The following TRIM39 variants were observed in gnomAD, a reference collection of about 807,000 sequenced individuals.
TRIM39 encodes the protein tripartite motif containing 39, also known as E3 ubiquitin-protein ligase TRIM39.
Under a neutral mutation model 53.6 loss-of-function variants are expected in TRIM39, and 5 were observed. The ratio of observed to expected loss-of-function variants is 0.09; its 90% confidence interval spans 0.05 to 0.20. TRIM39 has a LOEUF of 0.20. TRIM39 is among the 10% of genes least tolerant of loss of function. The pLI is 1.00. For missense variants in TRIM39, 310 were observed against 621.0 expected (o/e 0.50, Z 5.32); for synonymous variants, 196 against 237.6 (o/e 0.82, Z 1.61).
chr6:30,336,921 G>A (rs1167176332), intron 5 of TRIM39, among the ~76,000 whole-genome samples: 1 of 152,156 alleles, frequency 6.6e-6, no homozygotes, highest in African/African-American at 2.4e-5. Flanking sequence ...CATTTATTAA[G>A]ACTTGAAAGT....
In TRIM39 at chr6:30,335,918, C is replaced by T. The variant is rs1286298715; in HGVS notation, c.723C>T (p.Ala241=). The change falls in exon 5 of 8, where the codon GCC becomes GCT. Residue 241 remains alanine (A), a synonymous_variant. Coordinates refer to ENST00000396551, the Ensembl canonical transcript of TRIM39. This position sits in a 1 kb window ranked among gnomAD's most constrained non-coding sequence, Gnocchi z 4.7. Reference sequence around the variant, plus strand: ...TTGGGGACAAGCGCCGGGACCTGGCCCACTTGGCTGCCGAGGTGGAGGGCA... The same window carrying T: ...TTGGGGACAAGCGCCGGGACCTGGCTCACTTGGCTGCCGAGGTGGAGGGCA... 6.2e-7 allele frequency: 1 copy of T among 1,612,520 alleles called. No individual in the cohort carries two copies. Among genetic ancestry groups the T allele is most frequent in the Non-Finnish European group, 8.5e-7 (1 of 1,179,994 alleles).
At chr6:30,336,289 A>T in intron 5 of TRIM39, among the ~76,000 whole-genome samples, 1 of 152,250 alleles carries the variant, frequency 6.6e-6, no homozygotes, top group Non-Finnish European at 1.5e-5. Flanking sequence ...TTGTAAATGC[A>T]GTTACCATTA....
At chr6:30,331,287 AAC>A (rs372681847) in intron 4 of TRIM39, among the ~76,000 whole-genome samples, 1,420 of 24,226 alleles carry the variant, frequency 0.059, 20 homozygotes, top group Middle Eastern at 0.15. Context: ...AAAAAAAACA[AAC>A]AAAAAAAAAA....
At chr6:30,341,413 A>G (rs1245538585) in intron 7 of TRIM39, 1 of 663,610 alleles carries the variant, frequency 1.5e-6, no homozygotes, top group Non-Finnish European at 2.8e-6. Context: ...TTCTCTACAT[A>G]GTGAGATAAA....
chr6:30,330,937 C>T (rs1786071473), intron 4 of TRIM39, 61 bp downstream of exon 4: 1 of 1,562,476 alleles, frequency 6.4e-7, no homozygotes, highest in South Asian at 1.1e-5. Context: ...AGGGAATTAA[C>T]TGTACACTAT....
Position 30,342,028 on chromosome 6 carries a change from C to A in TRIM39, c.1236C>A (p.Thr412=). 6.2e-7 allele frequency: 1 copy of A among 1,613,062 alleles called. No individual in the cohort carries two copies. The highest frequency in any genetic ancestry group is 2.2e-5 in the East Asian group (1 of 44,880). Residue 412 remains threonine (T), a synonymous_variant, in exon 8 of 8, where the codon ACC becomes ACA. Transcript: ENST00000396551. This position sits in a 1 kb window ranked among gnomAD's most constrained non-coding sequence, Gnocchi z 4.7. Reference sequence around the variant, plus strand: ...GGAATGGGGACAAATATGCAGCCACCACCACACCTTTTACCCCTTTGCACA... The same window carrying A: ...GGAATGGGGACAAATATGCAGCCACAACCACACCTTTTACCCCTTTGCACA...
intron 6 of TRIM39, chr6:30,340,304 C>T (rs1381874453): frequency 1.9e-6 from 3 of 1,613,042 alleles, no homozygotes; most frequent in Non-Finnish European, 8.5e-7. Flanking sequence ...GGCTCACTCT[C>T]AACGATCTGT....
intron 6 of TRIM39, chr6:30,340,205 A>C: frequency 7.1e-7 from 1 of 1,416,626 alleles, no homozygotes; most frequent in South Asian, 1.2e-5. Context: ...ATTGTGTCCA[A>C]ACAAGATGGC....
intron 6 of TRIM39, chr6:30,340,260 C>A: frequency 6.2e-7 from 1 of 1,610,684 alleles, no homozygotes; most frequent in Non-Finnish European, 8.5e-7. Context: ...CATCCATTTG[C>A]ATGAAATACA....
At chr6:30,332,804 C>G (rs1308508854) in intron 4 of TRIM39, among the ~76,000 whole-genome samples, 1 of 152,142 alleles carries the variant, frequency 6.6e-6, no homozygotes. Context: ...TTTCAGTGGT[C>G]TCCAAAACTA....
In TRIM39 at chr6:30,342,969, C is replaced by G. The variant is rs1361933799; in HGVS notation, c.*710C>G. On this transcript the variant is annotated 3_prime_UTR_variant, in exon 8 of 8. Coordinates refer to ENST00000396551, the Ensembl canonical transcript of TRIM39. This position sits in a 1 kb window ranked among gnomAD's most constrained non-coding sequence, Gnocchi z 4.7. ...AAGAAAGCAGAGGAGAACCCAGGTC[C>G]CTGCCTCAGCCTTCAGCAGAGTTGG... 6.5e-6 allele frequency: 1 copy of G among 152,780 alleles called. No homozygotes were observed. The highest frequency in any genetic ancestry group is 1.5e-5 in the Non-Finnish European group (1 of 68,224). 9.5% of individuals were successfully genotyped at this position (152,780 alleles called of 1,614,324 possible).
chr6:30,329,893 G>T, intron 3 of TRIM39, 123 bp downstream of exon 3: 1 of 1,349,182 alleles, frequency 7.4e-7, no homozygotes, highest in Non-Finnish European at 9.9e-7. Flanking sequence ...AGCTGCATAT[G>T]CAGGGGCACA....
At position 30,333,776 on chromosome 6, in the gene TRIM39, C is replaced by T. The variant is rs185470448; in HGVS notation, c.550-1969C>T. ...GTGCTTGCGTCATTGTCAGGAACTT[C>T]CCCAACCATGGAAAACAAGAAGATG... On this transcript the variant is annotated intron_variant, in intron 4 of 7. Coordinates refer to ENST00000396551, the Ensembl canonical transcript of TRIM39. 1.4e-4 allele frequency among the ~76,000 whole-genome samples: 22 copies of T among 152,260 alleles called. No individual in the cohort carries two copies. In the East Asian group the frequency reaches 3.9e-3, roughly 27 times the overall value.
intron 1 of TRIM39, among the ~76,000 whole-genome samples, chr6:30,328,193 A>G (rs955146959): frequency 2.0e-5 from 3 of 152,208 alleles, no homozygotes; most frequent in Non-Finnish European, 4.4e-5. Flanking sequence ...TCCAGGACCT[A>G]TAAGTTGGAG....
chr6:30,339,799 C>G lies in TRIM39; in HGVS notation c.781-109C>G. ...TTGCACTGTGTGACCCTCAGTTTAT[C>G]CTATCCCTATTTTATAGCTGTGGAA... is the stretch of plus-strand genomic sequence containing the variant. On this transcript the variant is annotated intron_variant, in intron 5 of 7. Coordinates refer to ENST00000396551, the Ensembl canonical transcript of TRIM39. This position sits in a 1 kb window ranked among gnomAD's most constrained non-coding sequence, Gnocchi z 4.2. 6.8e-7 allele frequency: 1 copy of G among 1,469,740 alleles called. No individual in the cohort carries two copies. Among genetic ancestry groups the G allele is most frequent in the Non-Finnish European group, 9.4e-7 (1 of 1,061,484 alleles). The allele number at this position is 1,469,740 out of a possible 1,614,324, so 91.0% of individuals were successfully genotyped here.
exon 3 of TRIM39, chr6:30,329,438 A>G: frequency 1.2e-6 from 2 of 1,613,080 alleles, no homozygotes; most frequent in Non-Finnish European, 1.7e-6. Flanking sequence ...GGAACCTGTC[A>G]TCATTGAGTG....
intron 2 of TRIM39, 46 bp from the exon 3 acceptor site, chr6:30,329,265 T>A (rs879220754): frequency 6.7e-7 from 1 of 1,487,108 alleles, no homozygotes; most frequent in Non-Finnish European, 9.0e-7. Context: ...AGAAAAAACC[T>A]CCAATTAATA....
chr6:30,329,712 C>G (rs928313601), exon 3 of TRIM39: 2 of 1,613,070 alleles, frequency 1.2e-6, no homozygotes, highest in Non-Finnish European at 1.7e-6. Context: ...TGTGCAATTT[C>G]CCACACCCAC....
In TRIM39 at chr6:30,342,707, A is replaced by G. The variant is rs987844020; in HGVS notation, c.*448A>G. ...ATCACAGGGGTCTGTGTACCTCTGA[A>G]TTCATGAGAGATGAATGACAGATGC... On this transcript the variant is annotated 3_prime_UTR_variant, in exon 8 of 8. Transcript: ENST00000396551. The surrounding 1 kb of genome is among the most constrained non-coding windows in gnomAD (Gnocchi z 4.7). 1.0e-5 allele frequency: 2 copies of G among 197,272 alleles called. No homozygotes were observed. The highest frequency in any genetic ancestry group is 5.3e-5 in the Admixed American group (1 of 18,890). 12.2% of individuals were successfully genotyped at this position (197,272 alleles called of 1,614,324 possible). A position where few individuals can be genotyped will look rare whatever the true frequency, so the allele number is the denominator to read the frequency against.
Sources: gnomAD v4.1 joint callset for allele counts (sites outside exome capture counted in the v4.1 genomes callset) on GRCh38, gnomAD v4.1.1 for gene constraint, Gnocchi (gnomAD v3.1) non-coding constraint, MANE v1.5 for transcripts, NCBI Gene and HGNC (gene_info 2026-07-23, HGNC 2026-07-21) for gene names.